The following SLC14A2 variants were observed in gnomAD, a reference collection of about 807,000 sequenced individuals.
SLC14A2 encodes the protein solute carrier family 14 member 2.
SLC14A2 carries 91 observed loss-of-function variants against 104.6 expected under a neutral mutation model. That is an observed-to-expected ratio of 0.87 (90% CI 0.73 to 1.04). The LOEUF (loss-of-function observed/expected upper bound fraction) is 1.04, where lower values mean the gene tolerates loss of function less well. Ranked by LOEUF, SLC14A2 falls within the 50% of genes least tolerant of loss-of-function variation. The pLI, the probability that SLC14A2 is intolerant of heterozygous loss-of-function variation, is 0.00. For synonymous variants in SLC14A2, 476 were observed against 466.4 expected (o/e 1.02, Z -0.27); for missense variants, 1,189 against 1,156.0 (o/e 1.03, Z -0.41).
chr18:45,589,330 G>A (rs1233040482), intron 2 of SLC14A2, among the ~76,000 whole-genome samples: 4 of 151,450 alleles, frequency 2.6e-5, no homozygotes, highest in Non-Finnish European at 4.4e-5. Context: ...AGAAAGGGGG[G>A]CTGCAAGGTA....
the SLC14A2 span, among the ~76,000 whole-genome samples, chr18:45,181,861 A>G: frequency 1.3e-5 from 2 of 152,182 alleles, no homozygotes; most frequent in African/African-American, 2.4e-5. Flanking sequence ...GAATATAATA[A>G]TGAGTTTCCA....
the SLC14A2 span, among the ~76,000 whole-genome samples, chr18:45,180,221 C>T: frequency 3.9e-5 from 6 of 152,194 alleles, no homozygotes; most frequent in Middle Eastern, 3.4e-3. Flanking sequence ...GGTTTTAAGT[C>T]CTGTCTCTGT....
chr18:45,353,657 A>G (rs1454086599), intron 1 of SLC14A2, among the ~76,000 whole-genome samples: 1 of 152,158 alleles, frequency 6.6e-6, no homozygotes, highest in East Asian at 1.9e-4. Context: ...CCTCAATGGG[A>G]CAACAATAAG....
chr18:45,482,906 A>G (rs1488549789), intron 1 of SLC14A2, among the ~76,000 whole-genome samples: 1 of 152,200 alleles, frequency 6.6e-6, no homozygotes, highest in African/African-American at 2.4e-5. Flanking sequence ...ATATTCATTA[A>G]TATCTTATTC....
intron 1 of SLC14A2, among the ~76,000 whole-genome samples, chr18:45,424,513 T>C (rs2086396211): frequency 6.6e-6 from 1 of 152,206 alleles, no homozygotes; most frequent in Admixed American, 6.5e-5. Flanking sequence ...GGGCTTCCCA[T>C]CAAGGCTTCA....
chr18:45,398,330 G>A (rs1239815986), intron 1 of SLC14A2, among the ~76,000 whole-genome samples: 1 of 152,144 alleles, frequency 6.6e-6, no homozygotes, highest in South Asian at 2.1e-4. Flanking sequence ...TGAAAGCTAA[G>A]ATTCCTGAGG....
chr18:45,487,040 T>A (rs145633271), intron 2 of SLC14A2, among the ~76,000 whole-genome samples: 1 of 152,234 alleles, frequency 6.6e-6, no homozygotes, highest in Admixed American at 6.5e-5. Flanking sequence ...CAAACTTTAG[T>A]GGCTTAAAGC....
intron 2 of SLC14A2, among the ~76,000 whole-genome samples, chr18:45,533,224 G>T (rs1397023450): frequency 3.9e-5 from 6 of 152,204 alleles, no homozygotes; most frequent in Non-Finnish European, 8.8e-5. Flanking sequence ...AAATGAGTTA[G>T]GGAGGATTCC....
At chr18:45,354,720 G>A (rs1203109954) in intron 1 of SLC14A2, among the ~76,000 whole-genome samples, 1 of 152,180 alleles carries the variant, frequency 6.6e-6, no homozygotes, top group Non-Finnish European at 1.5e-5. Flanking sequence ...AAATTAGGAA[G>A]GAGATGAAGT....
chr18:45,604,356 T>C (rs2044834957), intron 2 of SLC14A2, among the ~76,000 whole-genome samples: 1 of 152,224 alleles, frequency 6.6e-6, no homozygotes, highest in Non-Finnish European at 1.5e-5. Context: ...CTTTGTATGG[T>C]ACATAATATT....
At chr18:45,444,300 A>C (rs757324987) in intron 1 of SLC14A2, among the ~76,000 whole-genome samples, 4 of 152,134 alleles carry the variant, frequency 2.6e-5, no homozygotes, top group Non-Finnish European at 4.4e-5. Flanking sequence ...AGGTTTTCTT[A>C]TCTGTAAAGT....
chr18:45,527,154 A>G (rs966347574), intron 2 of SLC14A2, among the ~76,000 whole-genome samples: 4 of 152,148 alleles, frequency 2.6e-5, no homozygotes, highest in Non-Finnish European at 5.9e-5. Flanking sequence ...CTTCCAAGAA[A>G]AGGAAGTTTG....
At chr18:45,653,969 G>A (rs1262776104) in intron 10 of SLC14A2, among the ~76,000 whole-genome samples, 1 of 152,194 alleles carries the variant, frequency 6.6e-6, no homozygotes, top group Non-Finnish European at 1.5e-5. Flanking sequence ...ATTCTAATGA[G>A]AGGTGCAACT....
At position 45,258,786 on chromosome 18, in the gene SLC14A2, G is replaced by A. The variant is rs757305473; in HGVS notation, c.-125+45595G>A. ...TTGATCCCCATGACAGCTCAGTGAG[G>A]GAGATGGAAGTTGTCTCTCCCCTTT... On this transcript the variant is annotated intron_variant, in intron 1 of 20. Transcript: ENST00000586448. Among the ~76,000 whole-genome samples the A allele has an allele frequency of 3.0e-4, 31 of 103,256 alleles. 3 individuals are homozygous for A. Among genetic ancestry groups the A allele is most frequent in the Non-Finnish European group, 8.2e-5 (4 of 48,976 alleles). 67.7% of individuals were successfully genotyped at this position (103,256 alleles called of 152,430 possible).
At chr18:45,233,067 T>C (rs974888136) in intron 1 of SLC14A2, among the ~76,000 whole-genome samples, 9 of 152,212 alleles carry the variant, frequency 5.9e-5, no homozygotes, top group African/African-American at 2.2e-4. Flanking sequence ...TCTTTGAACC[T>C]GAGAGAAGTG....
chr18:45,489,709 C>T (rs1189251730), intron 2 of SLC14A2, among the ~76,000 whole-genome samples: 1 of 152,182 alleles, frequency 6.6e-6, no homozygotes, highest in African/African-American at 2.4e-5. Context: ...GAACAGAAGA[C>T]CTTCGCATCT....
At chr18:45,355,295 G>A (rs1019157504) in intron 1 of SLC14A2, among the ~76,000 whole-genome samples, 3 of 152,126 alleles carry the variant, frequency 2.0e-5, no homozygotes, top group Non-Finnish European at 2.9e-5. Context: ...AGAGACTTAG[G>A]CCTGGCGCGG....
intron 1 of SLC14A2, among the ~76,000 whole-genome samples, chr18:45,470,183 G>T (rs546888759): frequency 6.6e-6 from 1 of 152,132 alleles, no homozygotes; most frequent in East Asian, 1.9e-4. Flanking sequence ...ATCATTGCAG[G>T]TTTCAATAAA....
At chr18:45,280,765 C>T (rs925167765) in intron 1 of SLC14A2, among the ~76,000 whole-genome samples, 2 of 152,152 alleles carry the variant, frequency 1.3e-5, no homozygotes, top group African/African-American at 4.8e-5. Context: ...TGATGTTTAT[C>T]CCCCTGTGGT....
Sources: gnomAD v4.1 joint callset for allele counts (sites outside exome capture counted in the v4.1 genomes callset) on GRCh38, gnomAD v4.1.1 for gene constraint, MANE v1.5 for transcripts, NCBI Gene and HGNC (gene_info 2026-07-23, HGNC 2026-07-21) for gene names.